TXNDC11: variants seen among roughly 807,000 people sequenced by gnomAD.
The protein encoded by TXNDC11 is thioredoxin domain containing 11.
Under a neutral mutation model 78.0 loss-of-function variants are expected in TXNDC11, and 68 were observed. The observed-to-expected ratio is 0.87, with a 90% confidence interval of 0.72 to 1.07. The LOEUF (loss-of-function observed/expected upper bound fraction) is 1.07, where lower values mean the gene tolerates loss of function less well. Ranked by LOEUF, TXNDC11 falls within the 50% of genes least tolerant of loss-of-function variation. TXNDC11 has a pLI of 0.00. For synonymous variants in TXNDC11, 571 were observed against 495.2 expected (o/e 1.15, Z -2.03); for missense variants, 1,389 against 1,221.8 (o/e 1.14, Z -2.04).
In TXNDC11 at chr16:11,691,780, T is replaced by A; in HGVS notation, c.1410A>T (p.Ala470=). The A allele has an allele frequency of 6.2e-7, 1 of 1,614,266 alleles. No individual in the cohort carries two copies. ...CCTTGAGGTAGAAAGAATCCAGAGC[T>A]GCTGCCATTTCAAAAAAGCTGCACT... ...VPQCSFFEMA[A]ALDSFYLKEQ... Residue 470 remains alanine (A), a synonymous_variant, in exon 8 of 12, where the codon GCA becomes GCT. Coordinates refer to ENST00000283033, the MANE Select transcript of TXNDC11 (RefSeq NM_015914.7).
intron 1 of TXNDC11, chr16:11,742,203 G>A: frequency 2.5e-6 from 1 of 407,782 alleles, no homozygotes; most frequent in South Asian, 6.1e-5. Flanking sequence ...GACTCCAACA[G>A]GTGAGGAGCA....
chr16:11,742,680 G>C lies in TXNDC11; in HGVS notation c.51C>G (p.Ala17=), dbSNP rs749510857. The C allele has an allele frequency of 2.0e-6, 3 of 1,471,106 alleles. No individual in the cohort carries two copies. The highest frequency in any genetic ancestry group is 2.7e-6 in the Non-Finnish European group (3 of 1,118,496). 91.1% of individuals were successfully genotyped at this position (1,471,106 alleles called of 1,614,324 possible). A position where few individuals can be genotyped will look rare whatever the true frequency, so the allele number is the denominator to read the frequency against. ...CGCCGCCGCCCCCTCCCTCGTCCTC[G>C]GCGTCCTCGCTGCTGCTGCTGCCGC... ...RGGGSSSSED[A]EDEGGGGGGP... is the part of the protein sequence containing the mutation. Residue 17 remains alanine (A), a synonymous_variant, in exon 1 of 12, where the codon GCC becomes GCG. Coordinates refer to ENST00000283033, the MANE Select transcript of TXNDC11 (RefSeq NM_015914.7).
chr16:11,731,841 C>G (rs2052063130), intron 3 of TXNDC11, among the ~76,000 whole-genome samples: 1 of 152,068 alleles, frequency 6.6e-6, no homozygotes, highest in Non-Finnish European at 1.5e-5. Context: ...ATAATTCTAC[C>G]AAATCAAGAC....
intron 5 of TXNDC11, among the ~76,000 whole-genome samples, chr16:11,701,804 G>C (rs1266933978): frequency 6.6e-6 from 1 of 152,112 alleles, no homozygotes; most frequent in Non-Finnish European, 1.5e-5. Flanking sequence ...TGTGATGCTG[G>C]TGGAAAAAGG....
intron 7 of TXNDC11, among the ~76,000 whole-genome samples, chr16:11,697,791 C>T (rs1213513228): frequency 6.6e-6 from 1 of 152,214 alleles, no homozygotes; most frequent in African/African-American, 2.4e-5. Context: ...CCCTGTTTCA[C>T]CCCCTAAACA....
At chr16:11,734,111 A>G in intron 2 of TXNDC11, 32 bp from the exon 3 acceptor site, 4 of 1,382,456 alleles carry the variant, frequency 2.9e-6, no homozygotes, top group African/African-American at 1.5e-5. Context: ...TCAAATGACT[A>G]TGAATAACAA....
chr16:11,715,611 G>T (rs1185128367), intron 5 of TXNDC11, among the ~76,000 whole-genome samples: 1 of 152,166 alleles, frequency 6.6e-6, no homozygotes, highest in Non-Finnish European at 1.5e-5. Flanking sequence ...TCTTTCTCAC[G>T]CGTCCTTTAC....
intron 1 of TXNDC11, among the ~76,000 whole-genome samples, chr16:11,739,658 A>T (rs1433805919): frequency 2.6e-5 from 4 of 152,200 alleles, no homozygotes; most frequent in Non-Finnish European, 5.9e-5. Context: ...GTATACATAC[A>T]TATGTATCTA....
At chr16:11,725,671 A>C (rs1034327904) in intron 4 of TXNDC11, among the ~76,000 whole-genome samples, 2 of 152,180 alleles carry the variant, frequency 1.3e-5, no homozygotes, top group Non-Finnish European at 2.9e-5. Context: ...AGCTGTTTGG[A>C]ACATTTAGAA....
intron 5 of TXNDC11, among the ~76,000 whole-genome samples, chr16:11,708,374 G>T (rs574650298): frequency 3.9e-5 from 6 of 152,110 alleles, no homozygotes; most frequent in Non-Finnish European, 7.4e-5. Context: ...GGAAAAAGTG[G>T]GGCTCTAGAC....
chr16:11,736,312 T>G, intron 1 of TXNDC11, 79 bp from the exon 2 acceptor site: 1 of 1,192,750 alleles, frequency 8.4e-7, no homozygotes, highest in African/African-American at 1.5e-5. Flanking sequence ...GAATGAAGCT[T>G]AAAAGGAAAA....
At chr16:11,719,928 G>A (rs1258804201) in intron 5 of TXNDC11, among the ~76,000 whole-genome samples, 2 of 152,206 alleles carry the variant, frequency 1.3e-5, no homozygotes, top group Non-Finnish European at 2.9e-5. Flanking sequence ...CCCTAGGGGT[G>A]GAGGCACATT....
chr16:11,710,698 G>A (rs1394557412), intron 5 of TXNDC11, among the ~76,000 whole-genome samples: 1 of 152,174 alleles, frequency 6.6e-6, no homozygotes, highest in African/African-American at 2.4e-5. Context: ...AAAATTAACT[G>A]GGTGTGATGG....
intron 1 of TXNDC11, among the ~76,000 whole-genome samples, chr16:11,740,591 T>C (rs1398758726): frequency 2.0e-5 from 3 of 152,250 alleles, no homozygotes; most frequent in Non-Finnish European, 2.9e-5. Flanking sequence ...TCTTCCTAAT[T>C]TGAACCTAAA....
At chr16:11,713,999 T>C (rs769773851) in intron 5 of TXNDC11, among the ~76,000 whole-genome samples, 7 of 152,012 alleles carry the variant, frequency 4.6e-5, no homozygotes, top group Non-Finnish European at 5.9e-5. Flanking sequence ...GTTTTTTCAA[T>C]GCCTTTTAAA....
intron 5 of TXNDC11, among the ~76,000 whole-genome samples, chr16:11,719,654 G>A (rs1445574666): frequency 1.3e-5 from 2 of 152,136 alleles, no homozygotes; most frequent in Non-Finnish European, 2.9e-5. Context: ...CACTTGCTTG[G>A]CAAAGACTGA....
At chr16:11,695,910 C>T (rs2050845373) in intron 7 of TXNDC11, among the ~76,000 whole-genome samples, 1 of 152,012 alleles carries the variant, frequency 6.6e-6, no homozygotes, top group African/African-American at 2.4e-5. Flanking sequence ...AGGCGTGCAC[C>T]TGTAGTCCCA....
At chr16:11,686,425 A>AGCT in intron 10 of TXNDC11, among the ~76,000 whole-genome samples, 1 of 152,362 alleles carries the variant, frequency 6.6e-6, no homozygotes, top group South Asian at 2.1e-4. Context: ...TATAATGATG[A>AGCT]GCTCATGCTT....
intron 6 of TXNDC11, among the ~76,000 whole-genome samples, chr16:11,699,240 C>T (rs957463489): frequency 5.6e-5 from 6 of 106,498 alleles, no homozygotes; most frequent in African/African-American, 2.1e-4. Context: ...ACTACCAAAT[C>T]GAAGCAGAAA....
Sources: gnomAD v4.1 joint callset for allele counts (sites outside exome capture counted in the v4.1 genomes callset) on GRCh38, gnomAD v4.1.1 for gene constraint, MANE v1.5 for transcripts, NCBI Gene and HGNC (gene_info 2026-07-23, HGNC 2026-07-21) for gene names.